QTMAN: variants seen among roughly 807,000 people sequenced by gnomAD.
QTMAN encodes tRNA-queuosine alpha-mannosyltransferase.
the QTMAN span, among the ~76,000 whole-genome samples, chr2:143,973,658 G>T: frequency 6.6e-6 from 1 of 151,888 alleles, no homozygotes; most frequent in African/African-American, 2.4e-5. Context: ...GCATGGTGGC[G>T]CACGCTTGTA....
the QTMAN span, among the ~76,000 whole-genome samples, chr2:144,133,428 A>AC: frequency 2.2e-5 from 1 of 45,020 alleles, no homozygotes; most frequent in African/African-American, 1.6e-4. Context: ...TAATATATAT[A>AC]ATATATAATA....
At chr2:144,064,113 C>A in the QTMAN span, among the ~76,000 whole-genome samples, 1 of 151,886 alleles carries the variant, frequency 6.6e-6, no homozygotes, top group South Asian at 2.1e-4. Flanking sequence ...GCATAAGAAG[C>A]AATGCAAAGT....
At chr2:144,129,633 C>G in the QTMAN span, among the ~76,000 whole-genome samples, 1 of 151,976 alleles carries the variant, frequency 6.6e-6, no homozygotes, top group Non-Finnish European at 1.5e-5. Flanking sequence ...AAATACAACA[C>G]TAAACAATCA....
At chr2:144,227,160 A>C in the QTMAN span, among the ~76,000 whole-genome samples, 1 of 152,214 alleles carries the variant, frequency 6.6e-6, no homozygotes, top group East Asian at 1.9e-4. Context: ...CAGCATCAGC[A>C]ATATAAATTA....
At chr2:144,093,947 G>C in the QTMAN span, among the ~76,000 whole-genome samples, 1 of 152,154 alleles carries the variant, frequency 6.6e-6, no homozygotes. Context: ...ATTTGAGAAG[G>C]CATGACCAAT....
At chr2:144,293,821 G>A in the QTMAN span, among the ~76,000 whole-genome samples, 2 of 152,176 alleles carry the variant, frequency 1.3e-5, no homozygotes, top group East Asian at 3.8e-4. Context: ...ATGCAGGCAA[G>A]TTTACTGAGT....
At chr2:144,026,908 G>A in the QTMAN span, among the ~76,000 whole-genome samples, 1 of 152,196 alleles carries the variant, frequency 6.6e-6, no homozygotes. Context: ...TATTTTGTCT[G>A]TATCAGCATA....
the QTMAN span, chr2:143,946,821 A>AT: frequency 1.9e-6 from 1 of 531,322 alleles, no homozygotes; most frequent in Non-Finnish European, 3.3e-6. Flanking sequence ...TGTAACCATC[A>AT]TAACGTCTCT....
At chr2:144,133,537 A>G in the QTMAN span, among the ~76,000 whole-genome samples, 1 of 100,070 alleles carries the variant, frequency 1.0e-5, no homozygotes, top group African/African-American at 3.9e-5. Context: ...AATATATATA[A>G]AGATATAAAG....
the QTMAN span, among the ~76,000 whole-genome samples, chr2:144,312,671 G>T: frequency 1.3e-5 from 2 of 152,150 alleles, no homozygotes; most frequent in Non-Finnish European, 2.9e-5. Context: ...CATTGTAATT[G>T]TAATCCCCAG....
At chr2:144,087,815 A>G in the QTMAN span, among the ~76,000 whole-genome samples, 2 of 152,244 alleles carry the variant, frequency 1.3e-5, no homozygotes, top group African/African-American at 4.8e-5. Flanking sequence ...TAATAAAGTC[A>G]TATACAACAA....
At chr2:144,248,206 A>G in the QTMAN span, among the ~76,000 whole-genome samples, 1 of 152,380 alleles carries the variant, frequency 6.6e-6, no homozygotes, top group South Asian at 2.1e-4. Flanking sequence ...GTGATAGTTA[A>G]AAAGACTATG....
At chr2:144,193,414 ATAT>A in the QTMAN span, among the ~76,000 whole-genome samples, 3 of 148,426 alleles carry the variant, frequency 2.0e-5, no homozygotes, top group Non-Finnish European at 4.5e-5. Flanking sequence ...ATTACATTAT[ATAT>A]TATGTTATAT....
chr2:143,981,343 T>C, the QTMAN span, among the ~76,000 whole-genome samples: 1 of 152,278 alleles, frequency 6.6e-6, no homozygotes, highest in Non-Finnish European at 1.5e-5. Flanking sequence ...CCATGTTTTT[T>C]TTTTTCTTAA....
the QTMAN span, among the ~76,000 whole-genome samples, chr2:144,151,010 T>G: frequency 6.6e-6 from 1 of 151,942 alleles, no homozygotes; most frequent in Non-Finnish European, 1.5e-5. Context: ...TTGGAGCCAA[T>G]GGGAGAGTGG....
At chr2:144,274,751 A>T in the QTMAN span, among the ~76,000 whole-genome samples, 2 of 152,332 alleles carry the variant, frequency 1.3e-5, no homozygotes, top group East Asian at 3.9e-4. Flanking sequence ...CCCAGGAAAC[A>T]TAAGTGTTTC....
At chr2:144,001,652 A>C in the QTMAN span, among the ~76,000 whole-genome samples, 499 of 151,956 alleles carry the variant, frequency 3.3e-3, 8 homozygotes, top group African/African-American at 0.012. Flanking sequence ...GAATGCATCC[A>C]ATTATGGGCC....
At chr2:144,018,359 C>T in the QTMAN span, among the ~76,000 whole-genome samples, 1 of 151,580 alleles carries the variant, frequency 6.6e-6, no homozygotes, top group East Asian at 1.9e-4. Flanking sequence ...ATTAAATGTT[C>T]GGACAGTAAG....
At chr2:144,193,069 T>A in the QTMAN span, among the ~76,000 whole-genome samples, 1 of 152,200 alleles carries the variant, frequency 6.6e-6, no homozygotes, top group Non-Finnish European at 1.5e-5. Flanking sequence ...ACCACAGGTA[T>A]GAAATATTGC....
Sources: gnomAD v4.1 joint callset for allele counts (sites outside exome capture counted in the v4.1 genomes callset) on GRCh38, gnomAD v4.1.1 for gene constraint, MANE v1.5 for transcripts, NCBI Gene and HGNC (gene_info 2026-07-23, HGNC 2026-07-21) for gene names.